GRAMD1B: variants seen among roughly 807,000 people sequenced by gnomAD.
The protein encoded by GRAMD1B is GRAM domain containing 1B, also known as protein Aster-B.
Under a neutral mutation model 99.7 loss-of-function variants are expected in GRAMD1B, and 37 were observed. The ratio of observed to expected loss-of-function variants is 0.37; its 90% confidence interval spans 0.29 to 0.49. The LOEUF (loss-of-function observed/expected upper bound fraction) is 0.49. GRAMD1B is among the 20% of genes least tolerant of loss of function. The probability of loss-of-function intolerance (pLI) is 0.98; values close to 1 mark genes in which losing one functional copy is unlikely to be tolerated. For synonymous variants in GRAMD1B, 427 were observed against 387.6 expected (o/e 1.10, Z -1.19); for missense variants, 888 against 1,009.2 (o/e 0.88, Z 1.63).
chr11:123,560,559 G>GCCCCCCCC, intron 2 of GRAMD1B: 1 of 885,266 alleles, frequency 1.1e-6, no homozygotes, highest in Non-Finnish European at 1.6e-6. Context: ...CAGGGCCCCC[G>GCCCCCCCC]CTCCCCGCCC....
At chr11:123,474,764 A>G (rs1312003411) in intron 1 of GRAMD1B, among the ~76,000 whole-genome samples, 1 of 152,172 alleles carries the variant, frequency 6.6e-6, no homozygotes, top group South Asian at 2.1e-4. Context: ...TGCCACTCAG[A>G]GCCTTTTGCA....
Position 123,619,213 on chromosome 11 carries a change from C to T in GRAMD1B, c.2533C>T (p.Leu845Phe). The stretch of plus-strand genomic sequence containing the variant: ...GGAAATCATCAAATCCTCAGTGATG[C>T]TCCTTGACCAGGTGAGATGCCCCAC... Reference protein sequence around the residue: ...WREIIKSSVMLLDQMKDSLIN... With the variant: ...WREIIKSSVMFLDQMKDSLIN... The change falls in exon 19 of 20, where the codon CTC becomes TTC. Residue 845 changes from leucine to phenylalanine, a missense_variant. By Grantham distance (22) the Leu-to-Phe change is conservative (BLOSUM62 0). Around this residue, in one of 5 missense-constraint regions of GRAMD1B, gnomAD observed 232 missense variants for 261.7 expected, o/e 0.89. Transcript: ENST00000635736. 6.4e-7 allele frequency: 1 copy of T among 1,558,826 alleles called. No individual in the cohort carries two copies. The highest frequency in any genetic ancestry group is 1.4e-5 in the African/African-American group (1 of 73,490).
chr11:123,619,748 A>G (rs1288101821), intron 19 of GRAMD1B, among the ~76,000 whole-genome samples: 1 of 152,160 alleles, frequency 6.6e-6, no homozygotes, highest in Non-Finnish European at 1.5e-5. Context: ...TAGATCAACT[A>G]TTTAGGCAAA....
In GRAMD1B at chr11:123,480,776, A is replaced by C. The variant is rs1951553291; in HGVS notation, c.375-40A>C. 3 of 398,878 alleles carry C rather than the reference A, an allele frequency of 7.5e-6. No homozygotes were observed. The South Asian group carries it at 3.8e-4, about 51-fold the overall frequency. The allele number at this position is 398,878 out of a possible 1,614,324, so 24.7% of individuals were successfully genotyped here. A position where few individuals can be genotyped will look rare whatever the true frequency, so the allele number is the denominator to read the frequency against. On this transcript the variant is annotated intron_variant, in intron 1 of 19. Coordinates refer to ENST00000635736, the MANE Select transcript of GRAMD1B (RefSeq NM_001387025.1). ...GTGACCTCCCCCAGGGTTGAGAAAG[A>C]AGCTGAAGTTAACGGTTGATATCCT...
At chr11:123,609,332 C>A (rs1423433478) in intron 12 of GRAMD1B, among the ~76,000 whole-genome samples, 1 of 152,164 alleles carries the variant, frequency 6.6e-6, no homozygotes, top group Non-Finnish European at 1.5e-5. Flanking sequence ...CTCCCCTTCC[C>A]CCAAACTCTT....
chr11:123,595,170 G>A (rs917924880), intron 6 of GRAMD1B, among the ~76,000 whole-genome samples: 4 of 152,052 alleles, frequency 2.6e-5, no homozygotes, highest in African/African-American at 7.2e-5. Context: ...TTAAAGAACC[G>A]GCTTGCACAA....
chr11:123,487,727 C>T (rs1476550805), intron 2 of GRAMD1B, among the ~76,000 whole-genome samples: 1 of 152,204 alleles, frequency 6.6e-6, no homozygotes, highest in African/African-American at 2.4e-5. Flanking sequence ...GTCTCAGCCT[C>T]CTGAGTAGCT....
chr11:123,441,735 T>G (rs1387204001), intron 1 of GRAMD1B, among the ~76,000 whole-genome samples: 2 of 151,862 alleles, frequency 1.3e-5, no homozygotes, highest in South Asian at 4.2e-4. Flanking sequence ...GGTTGAGGCT[T>G]CAGTGAGCCA....
At chr11:123,422,762 C>T (rs1195896873) in intron 1 of GRAMD1B, among the ~76,000 whole-genome samples, 1 of 152,156 alleles carries the variant, frequency 6.6e-6, no homozygotes, top group Admixed American at 6.5e-5. Context: ...AAATATGACC[C>T]CCTTGTTCAA....
intron 12 of GRAMD1B, 122 bp from the exon 13 acceptor site, chr11:123,609,673 G>T: frequency 3.2e-6 from 2 of 623,830 alleles, no homozygotes; most frequent in Non-Finnish European, 5.7e-6. Flanking sequence ...GCTCCCATTG[G>T]CTTCCTTTTG....
At chr11:123,513,203 A>C (rs1000912482) in intron 2 of GRAMD1B, among the ~76,000 whole-genome samples, 1 of 152,210 alleles carries the variant, frequency 6.6e-6, no homozygotes, top group South Asian at 2.1e-4. Flanking sequence ...GCCGCAATGT[A>C]CTGGGTTAAT....
At chr11:123,431,805 G>C (rs1257965822) in intron 1 of GRAMD1B, among the ~76,000 whole-genome samples, 1 of 152,150 alleles carries the variant, frequency 6.6e-6, no homozygotes, top group Non-Finnish European at 1.5e-5. Flanking sequence ...TTTTTGCCTA[G>C]GTCAATGTGG....
At chr11:123,514,510 G>T (rs1418708790) in intron 2 of GRAMD1B, among the ~76,000 whole-genome samples, 2 of 152,234 alleles carry the variant, frequency 1.3e-5, no homozygotes, top group African/African-American at 4.8e-5. Flanking sequence ...GATAGTCACT[G>T]AATGGTGGCT....
intron 2 of GRAMD1B, among the ~76,000 whole-genome samples, chr11:123,543,153 GC>G (rs1366127275): frequency 5.3e-5 from 8 of 152,096 alleles, no homozygotes; most frequent in African/African-American, 1.9e-4. Context: ...ACACCAGGGA[GC>G]AGGAAATAAA....
intron 1 of GRAMD1B, among the ~76,000 whole-genome samples, chr11:123,478,477 A>G (rs1485442290): frequency 6.6e-6 from 1 of 152,160 alleles, no homozygotes; most frequent in African/African-American, 2.4e-5. Context: ...TTTCTAAGCC[A>G]TGGGAAGGCA....
chr11:123,598,934 A>G (rs1951616467), intron 7 of GRAMD1B: 3 of 1,094,152 alleles, frequency 2.7e-6, no homozygotes, highest in African/African-American at 3.1e-5. Flanking sequence ...TGTCTTTAGG[A>G]ATGTCAAATA....
intron 1 of GRAMD1B, among the ~76,000 whole-genome samples, chr11:123,452,607 C>T (rs1157692971): frequency 6.6e-6 from 1 of 152,058 alleles, no homozygotes; most frequent in Non-Finnish European, 1.5e-5. Context: ...GATGGTGCCA[C>T]TGCACTCCAG....
rs528817440 is a variant in GRAMD1B at position 123,403,147 on chromosome 11, G to A, written c.-176+44348G>A. ...TCTTAAATAAATCATTTCCTGGGCC[G>A]GGCACGGAGGCTCACGCCTGTAATC... On this transcript the variant is annotated intron_variant, in intron 1 of 20. Coordinates refer to the GRAMD1B transcript ENST00000638157. Among the ~76,000 whole-genome samples the A allele has an allele frequency of 1.6e-4, 24 of 152,158 alleles. 1 individual carries two copies. In the East Asian group the frequency reaches 3.9e-3, roughly 25 times the overall value.
intron 2 of GRAMD1B, among the ~76,000 whole-genome samples, chr11:123,548,297 T>C (rs1481940999): frequency 3.0e-4 from 16 of 53,990 alleles, no homozygotes; most frequent in African/African-American, 2.3e-3. Context: ...CCAAAATATA[T>C]ATATATATAT....
Sources: gnomAD v4.1 joint callset for allele counts (sites outside exome capture counted in the v4.1 genomes callset) on GRCh38, gnomAD v4.1.1 for gene constraint, gnomAD v4.1.1 regional missense constraint, MANE v1.5 for transcripts, NCBI Gene and HGNC (gene_info 2026-07-23, HGNC 2026-07-21) for gene names.